Variants in UQCC1 observed in about 807,000 individuals in gnomAD.
The protein encoded by UQCC1 is ubiquinol-cytochrome c reductase complex assembly factor 1.
A neutral mutation model predicts 48.0 loss-of-function variants in UQCC1; 38 were observed. The ratio of observed to expected loss-of-function variants is 0.79; its 90% CI spans 0.61 to 1.04. The LOEUF (loss-of-function observed/expected upper bound fraction) is 1.04, where lower values mean the gene tolerates loss of function less well. Ranked by LOEUF, UQCC1 falls within the 50% of genes least tolerant of loss-of-function variation. The pLI, the probability that UQCC1 is intolerant of heterozygous loss-of-function variation, is 0.00. For missense variants in UQCC1, 368 were observed against 381.8 expected (o/e 0.96, Z 0.30); for synonymous variants, 111 against 129.2 (o/e 0.86, Z 0.95).
intron 1 of UQCC1, among the ~76,000 whole-genome samples, chr20:35,400,737 C>T (rs749830543): frequency 5.1e-4 from 78 of 152,162 alleles, no homozygotes; most frequent in African/African-American, 1.2e-3. Context: ...CCTTGTGATC[C>T]GCCCGCCTCG....
At chr20:35,392,383 C>T (rs2062024147) in intron 2 of UQCC1, 3 of 877,392 alleles carry the variant, frequency 3.4e-6, no homozygotes, top group Admixed American at 2.4e-5. Context: ...ATAAACCACC[C>T]TCAGTTATTT....
chr20:35,327,570 A>G (rs188662213), intron 7 of UQCC1, among the ~76,000 whole-genome samples: 8 of 152,360 alleles, frequency 5.3e-5, no homozygotes, highest in African/African-American at 1.9e-4. Context: ...CTCAGTGGAT[A>G]GTTTGTACAT....
chr20:35,369,011 GTC>G (rs2146447373), intron 5 of UQCC1, among the ~76,000 whole-genome samples: 1 of 152,344 alleles, frequency 6.6e-6, no homozygotes, highest in South Asian at 2.1e-4. Context: ...TTTCTTGGAA[GTC>G]TGTCTTTCAA....
chr20:35,377,801 A>G (rs1209909638), intron 4 of UQCC1, among the ~76,000 whole-genome samples: 1 of 152,208 alleles, frequency 6.6e-6, no homozygotes, highest in Non-Finnish European at 1.5e-5. Context: ...TTGAGAAGGA[A>G]GCTTCCCCAA....
At chr20:35,314,630 C>G (rs2061036550) in intron 8 of UQCC1, 58 bp downstream of exon 8, 1 of 1,479,924 alleles carries the variant, frequency 6.8e-7, no homozygotes, top group African/African-American at 1.4e-5. Flanking sequence ...AGGCTCTCAT[C>G]AAAAGCCTTT....
At chr20:35,405,656 G>A (rs1341100158) in intron 1 of UQCC1, among the ~76,000 whole-genome samples, 1 of 152,240 alleles carries the variant, frequency 6.6e-6, no homozygotes, top group African/African-American at 2.4e-5. Flanking sequence ...GGGAGGCCAA[G>A]GCAGGGGGAT....
rs529032727 is a variant in UQCC1 at position 35,316,874 on chromosome 20, G to A, written c.574-2109C>T. Among the ~76,000 whole-genome samples the A allele has an allele frequency of 1.6e-4, 25 of 151,526 alleles. 1 individual carries two copies. The highest frequency in any genetic ancestry group is 5.3e-4 in the African/African-American group (22 of 41,286). On this transcript the variant is annotated intron_variant, in intron 7 of 9. Coordinates refer to ENST00000374385, the MANE Select transcript of UQCC1 (RefSeq NM_018244.5). Reference sequence around the variant, plus strand: ...AGGATGGTCTCGATCTCCTGACCTCGTGATCCACCCGCCTCGGCCTCCTAA... The same window carrying A: ...AGGATGGTCTCGATCTCCTGACCTCATGATCCACCCGCCTCGGCCTCCTAA...
chr20:35,346,648 T>G, intron 7 of UQCC1: 1 of 184,222 alleles, frequency 5.4e-6, no homozygotes. Context: ...ATATTCCCCT[T>G]TCTCAGGTTA....
intron 4 of UQCC1, among the ~76,000 whole-genome samples, chr20:35,378,560 G>C (rs541314875): frequency 1.3e-5 from 2 of 152,258 alleles, no homozygotes; most frequent in Admixed American, 1.3e-4. Context: ...AACTTGGGAG[G>C]CAGAGGTTGC....
intron 2 of UQCC1, among the ~76,000 whole-genome samples, chr20:35,387,441 T>C (rs561768662): frequency 6.6e-6 from 1 of 152,282 alleles, no homozygotes; most frequent in South Asian, 2.1e-4. Context: ...CCATCTTATA[T>C]GTCTGTCATT....
At chr20:35,320,010 T>C (rs1568653940) in intron 7 of UQCC1, among the ~76,000 whole-genome samples, 1 of 152,168 alleles carries the variant, frequency 6.6e-6, no homozygotes, top group Non-Finnish European at 1.5e-5. Flanking sequence ...TCCCCTCCTC[T>C]TGCCTCCCCA....
rs140328810 is a variant in UQCC1 at position 35,384,083 on chromosome 20, A to G, written c.180T>C (p.Pro60=). ...TCCTATTCAGCTGTATGTCTATTCCAGGAATCTGTTCTGATCCACCACATG... is the reference window on the plus strand; with the variant it reads ...TCCTATTCAGCTGTATGTCTATTCCGGGAATCTGTTCTGATCCACCACATG... ...SRACGGSEQI[P]GIDIQLNRKY... Residue 60 remains proline, a synonymous_variant, in exon 3 of 10, where the codon CCT becomes CCC. Coordinates refer to ENST00000374385, the MANE Select transcript of UQCC1 (RefSeq NM_018244.5). 53 of 1,613,036 alleles carry G rather than the reference A, an allele frequency of 3.3e-5. No homozygotes were observed. The African/African-American group carries it at 6.4e-4, about 19-fold the overall frequency.
intron 4 of UQCC1, among the ~76,000 whole-genome samples, chr20:35,381,277 T>C (rs1197040481): frequency 6.6e-6 from 1 of 151,972 alleles, no homozygotes; most frequent in East Asian, 1.9e-4. Context: ...TTAAAGAAAA[T>C]CCCTTATAAA....
chr20:35,324,591 G>T (rs891300407), intron 7 of UQCC1, among the ~76,000 whole-genome samples: 1 of 152,234 alleles, frequency 6.6e-6, no homozygotes, highest in Non-Finnish European at 1.5e-5. Flanking sequence ...CTCCCAAAGT[G>T]CTGGGATTAC....
At chr20:35,371,712 A>C (rs982154324) in intron 5 of UQCC1, among the ~76,000 whole-genome samples, 6 of 151,230 alleles carry the variant, frequency 4.0e-5, no homozygotes, top group African/African-American at 7.2e-5. Context: ...AAAAAAAAAA[A>C]AAAAAAAAAC....
At chr20:35,401,236 A>G (rs1048660524) in intron 1 of UQCC1, among the ~76,000 whole-genome samples, 9 of 152,222 alleles carry the variant, frequency 5.9e-5, no homozygotes, top group African/African-American at 1.9e-4. Flanking sequence ...CACAGCCAAC[A>G]GCACTATAAC....
intron 1 of UQCC1, among the ~76,000 whole-genome samples, chr20:35,401,306 C>T (rs1010533781): frequency 2.6e-5 from 4 of 152,206 alleles, no homozygotes; most frequent in African/African-American, 7.2e-5. Context: ...GTGGCCTTCT[C>T]GCACTCAGCA....
chr20:35,402,943 T>C (rs2062189374), intron 1 of UQCC1, among the ~76,000 whole-genome samples: 1 of 145,104 alleles, frequency 6.9e-6, no homozygotes, highest in Middle Eastern at 3.7e-3. Context: ...GGCATGCACC[T>C]GCAGTCCCAG....
At chr20:35,390,154 A>C (rs1252688226) in intron 2 of UQCC1, among the ~76,000 whole-genome samples, 1 of 152,122 alleles carries the variant, frequency 6.6e-6, no homozygotes, top group Non-Finnish European at 1.5e-5. Flanking sequence ...GGCCAGGGTG[A>C]TGGCTCATGC....
Sources: gnomAD v4.1 joint callset for allele counts (sites outside exome capture counted in the v4.1 genomes callset) on GRCh38, gnomAD v4.1.1 for gene constraint, MANE v1.5 for transcripts, NCBI Gene and HGNC (gene_info 2026-07-23, HGNC 2026-07-21) for gene names.